Variants in PLA2G4E observed in about 807,000 individuals in gnomAD.
The protein encoded by PLA2G4E is cytosolic phospholipase A2 epsilon.
PLA2G4E carries 84 observed loss-of-function variants against 109.1 expected under a neutral mutation model. The ratio of observed to expected loss-of-function variants is 0.77; its 90% CI spans 0.65 to 0.92. The LOEUF (loss-of-function observed/expected upper bound fraction) is 0.92. Among genes scored for constraint, PLA2G4E ranks in the 40% least tolerant of loss-of-function variants. PLA2G4E has a pLI of 0.00. For synonymous variants in PLA2G4E, 469 were observed against 436.1 expected (o/e 1.08, Z -0.94); for missense variants, 1,057 against 1,076.6 (o/e 0.98, Z 0.25).
Position 42,001,150 on chromosome 15 carries a change from A to G in PLA2G4E, c.673+7T>C, listed in dbSNP as rs1480313932. 1 of 1,611,822 alleles carries G rather than the reference A, an allele frequency of 6.2e-7. No homozygotes were observed. On this transcript the variant is annotated splice_region_variant and intron_variant, in intron 7 of 19. Transcript: ENST00000399518. ...CCCCAGTAGGCAGAAAAGGCAAAAC[A>G]GCTCACTTTTCTCCCTCTTCCTCCG...
chr15:41,995,591 G>A, intron 11 of PLA2G4E, 95 bp from the exon 12 acceptor site: 1 of 1,517,120 alleles, frequency 6.6e-7, no homozygotes, highest in Admixed American at 1.8e-5. Context: ...GAACAATGGA[G>A]GAGGCAGAGC....
At chr15:41,987,320 G>A (rs1380803750) in exon 17 of PLA2G4E, 9 of 1,613,846 alleles carry the variant, frequency 5.6e-6, no homozygotes, top group Admixed American at 1.7e-5. Context: ...TCACTACCGT[G>A]GTCTCCAGGA....
At position 42,002,214 on chromosome 15, in the gene PLA2G4E, G is replaced by A. The variant is rs143326831; in HGVS notation, c.609+440C>T. ...CGGGAGGCAGAGGTTGCAGTGATCC[G>A]AGATCGCAGCACTGCACTCCAGCCT... On this transcript the variant is annotated intron_variant, in intron 6 of 19. Transcript: ENST00000399518. Among the ~76,000 whole-genome samples, 3 of 135,956 alleles carry A rather than the reference G, an allele frequency of 2.2e-5. No homozygotes were observed. In the East Asian group the frequency reaches 7.0e-4, roughly 32 times the overall value. The allele number at this position is 135,956 out of a possible 152,430, so 89.2% of individuals were successfully genotyped here.
At chr15:42,005,396 A>G (rs891136393) in intron 4 of PLA2G4E, among the ~76,000 whole-genome samples, 4 of 152,226 alleles carry the variant, frequency 2.6e-5, no homozygotes, top group African/African-American at 9.6e-5. Context: ...ACTGGAGGCA[A>G]GCCAGGGCCT....
intron 4 of PLA2G4E, 23 bp from the exon 5 acceptor site, chr15:42,005,001 C>T (rs761719218): frequency 1.6e-5 from 25 of 1,611,318 alleles, no homozygotes; most frequent in Non-Finnish European, 1.9e-5. Context: ...GGAGGGAAGG[C>T]AGCTGTGAGT....
intron 13 of PLA2G4E, among the ~76,000 whole-genome samples, chr15:41,992,113 A>G (rs1383534372): frequency 6.6e-6 from 1 of 152,158 alleles, no homozygotes; most frequent in African/African-American, 2.4e-5. Flanking sequence ...CATTGGGCCC[A>G]CTGGTGGCCA....
At chr15:41,985,896 T>C in exon 18 of PLA2G4E, 7 of 1,610,924 alleles carry the variant, frequency 4.3e-6, no homozygotes, top group Non-Finnish European at 5.9e-6. Flanking sequence ...CTTTTCGCTC[T>C]GGCCTGAGGA....
chr15:42,013,258 C>T lies in PLA2G4E; in HGVS notation c.256+427G>A, dbSNP rs1476100391. Among the ~76,000 whole-genome samples, 7 of 151,700 alleles carry T rather than the reference C, an allele frequency of 4.6e-5. No individual in the cohort carries two copies. In the East Asian group the frequency reaches 1.2e-3, roughly 25 times the overall value. The stretch of plus-strand genomic sequence containing the variant: ...GGGAGTCACCTGGCAGCTGGCTCCA[C>T]GATGCCTAAGTGCCTCTCCTTCCAC... On this transcript the variant is annotated intron_variant, in intron 2 of 19. Transcript: ENST00000399518.
chr15:42,041,256 T>C (rs1380963079), intron 1 of PLA2G4E, among the ~76,000 whole-genome samples: 1 of 152,220 alleles, frequency 6.6e-6, no homozygotes, highest in Non-Finnish European at 1.5e-5. Context: ...TTAATTTTTG[T>C]TGTTGTTATT....
exon 20 of PLA2G4E, chr15:41,983,621 G>C: frequency 1.3e-6 from 1 of 784,344 alleles, no homozygotes; most frequent in South Asian, 1.9e-5. Flanking sequence ...CTTTTCGTTA[G>C]AAAGCCCAGG....
intron 1 of PLA2G4E, among the ~76,000 whole-genome samples, chr15:42,042,232 A>G (rs1314477418): frequency 6.6e-6 from 1 of 152,232 alleles, no homozygotes; most frequent in African/African-American, 2.4e-5. Context: ...GACAAGTTTT[A>G]CAATACGAGC....
chr15:41,994,658 C>A (rs534900810), intron 12 of PLA2G4E, among the ~76,000 whole-genome samples: 8 of 152,126 alleles, frequency 5.3e-5, no homozygotes, highest in African/African-American at 1.9e-4. Flanking sequence ...GCCACCATAC[C>A]TGGCCACATA....
chr15:42,033,344 C>T lies in PLA2G4E; in HGVS notation c.183+17177G>A, dbSNP rs557395723. ...ATGCAAGTCTTGTAGCCAGTAAAGGCAAAATACCCTGGGGATTTTTTCAGT... is the reference window on the plus strand; with the variant it reads ...ATGCAAGTCTTGTAGCCAGTAAAGGTAAAATACCCTGGGGATTTTTTCAGT... On this transcript the variant is annotated intron_variant, in intron 1 of 19. Coordinates refer to ENST00000399518, the Ensembl canonical transcript of PLA2G4E. 2.6e-5 allele frequency among the ~76,000 whole-genome samples: 4 copies of T among 152,250 alleles called. No homozygotes were observed. In the East Asian group the frequency reaches 7.7e-4, roughly 29 times the overall value.
At chr15:42,000,432 T>C in intron 7 of PLA2G4E, 150 bp from the exon 8 acceptor site, 1 of 767,446 alleles carries the variant, frequency 1.3e-6, no homozygotes, top group Non-Finnish European at 2.1e-6. Flanking sequence ...TCTCAATCTA[T>C]AGGGTAGGGC....
intron 13 of PLA2G4E, among the ~76,000 whole-genome samples, chr15:41,991,834 G>C (rs377726039): frequency 7.2e-5 from 11 of 152,298 alleles, no homozygotes; most frequent in African/African-American, 2.6e-4. Flanking sequence ...CCTGGACAGA[G>C]GTGGGAAGCT....
intron 1 of PLA2G4E, among the ~76,000 whole-genome samples, chr15:42,035,559 T>C (rs751564954): frequency 3.9e-5 from 6 of 152,178 alleles, no homozygotes; most frequent in Non-Finnish European, 7.4e-5. Flanking sequence ...GCCCAGGGGA[T>C]GTTGCAAAAC....
chr15:42,006,566 C>T (rs746613672), intron 3 of PLA2G4E, among the ~76,000 whole-genome samples: 3 of 152,204 alleles, frequency 2.0e-5, no homozygotes, highest in Non-Finnish European at 4.4e-5. Context: ...ATCTAACACT[C>T]CAGGGAGTGA....
intron 1 of PLA2G4E, chr15:42,050,387 C>T: frequency 2.8e-6 from 3 of 1,088,000 alleles, no homozygotes; most frequent in Non-Finnish European, 3.9e-6. Flanking sequence ...TAAAGGGACT[C>T]CTCCGGAGAG....
At chr15:42,042,314 G>C (rs1889329065) in intron 1 of PLA2G4E, among the ~76,000 whole-genome samples, 1 of 152,082 alleles carries the variant, frequency 6.6e-6, no homozygotes, top group Non-Finnish European at 1.5e-5. Context: ...CTATAAAAAA[G>C]ACTGGAAGGA....
Sources: allele counts gnomAD v4.1 joint callset (sites outside exome capture counted in the v4.1 genomes callset), GRCh38; gene constraint gnomAD v4.1.1; transcripts MANE v1.5; gene names NCBI Gene and HGNC (gene_info 2026-07-23, HGNC 2026-07-21).